Variants in ADGRL3 observed in about 807,000 individuals in gnomAD.
ADGRL3 encodes adhesion G protein-coupled receptor L3, also known as calcium-independent alpha-latrotoxin receptor 3.
In ADGRL3, 62 loss-of-function variants were observed where a neutral mutation model predicts 153.5. The ratio of observed to expected loss-of-function variants is 0.40; its 90% CI spans 0.33 to 0.50. ADGRL3 has a LOEUF of 0.50. Among genes scored for constraint, ADGRL3 ranks in the 20% least tolerant of loss-of-function variants. The pLI is 0.47. For synonymous variants in ADGRL3, 710 were observed against 672.5 expected, an observed-to-expected ratio of 1.06 and a Z score of -0.86; for missense variants, 1,641 against 1,859.4, an observed-to-expected ratio of 0.88 and a Z score of 2.16.
intron 15 of ADGRL3, among the ~76,000 whole-genome samples, chr4:61,937,328 G>A (rs1401120441): frequency 6.6e-6 from 1 of 151,598 alleles, no homozygotes; most frequent in African/African-American, 2.4e-5. Context: ...CATGTTCTGT[G>A]TGATCCAGAC....
intron 5 of ADGRL3, among the ~76,000 whole-genome samples, chr4:61,593,745 T>C (rs1447651614): frequency 6.6e-6 from 1 of 152,144 alleles, no homozygotes; most frequent in Non-Finnish European, 1.5e-5. Flanking sequence ...TTCTTTATCC[T>C]TGACCTTTGG....
At chr4:61,770,292 A>T (rs1402057209) in intron 8 of ADGRL3, among the ~76,000 whole-genome samples, 1 of 152,148 alleles carries the variant, frequency 6.6e-6, no homozygotes, top group Non-Finnish European at 1.5e-5. Flanking sequence ...AAATTTTGGG[A>T]GATGGACACT....
intron 2 of ADGRL3, among the ~76,000 whole-genome samples, chr4:61,490,828 C>G (rs2098249940): frequency 6.6e-6 from 1 of 151,990 alleles, no homozygotes. Flanking sequence ...CTTTACAATT[C>G]CATAGTGTAT....
intron 4 of ADGRL3, among the ~76,000 whole-genome samples, chr4:61,559,018 A>G (rs1190522049): frequency 1.3e-5 from 2 of 152,102 alleles, no homozygotes; most frequent in African/African-American, 4.8e-5. Context: ...AATAGTAATT[A>G]TAATAAGGAT....
chr4:61,693,368 C>T (rs1497913), intron 6 of ADGRL3, among the ~76,000 whole-genome samples: 56,474 of 150,644 alleles, frequency 0.37, 11,238 homozygotes, highest in East Asian at 0.57. Context: ...ATTTTTTTTT[C>T]TTAATGTGAT....
chr4:61,986,117 G>T (rs991861987), intron 19 of ADGRL3, among the ~76,000 whole-genome samples: 2 of 151,494 alleles, frequency 1.3e-5, no homozygotes, highest in Non-Finnish European at 2.9e-5. Context: ...TCTAATTTTA[G>T]AATATTTTCA....
At chr4:61,577,328 T>C (rs1187196722) in intron 4 of ADGRL3, among the ~76,000 whole-genome samples, 1 of 151,996 alleles carries the variant, frequency 6.6e-6, no homozygotes, top group African/African-American at 2.4e-5. Context: ...ACTCCTTTCC[T>C]TCAAAATTAA....
intron 17 of ADGRL3, among the ~76,000 whole-genome samples, chr4:61,954,576 T>C (rs1399262168): frequency 6.6e-6 from 1 of 151,976 alleles, no homozygotes; most frequent in East Asian, 1.9e-4. Flanking sequence ...AAATCTCAAA[T>C]CTTGGCCCGC....
At chr4:62,043,452 G>T (rs1266535601) in intron 24 of ADGRL3, among the ~76,000 whole-genome samples, 1 of 151,938 alleles carries the variant, frequency 6.6e-6, no homozygotes, top group African/African-American at 2.4e-5. Context: ...TCAACCTAGG[G>T]AAAATGTGAT....
chr4:61,417,371 T>C (rs1290394055), intron 2 of ADGRL3, among the ~76,000 whole-genome samples: 1 of 151,888 alleles, frequency 6.6e-6, no homozygotes, highest in East Asian at 1.9e-4. Flanking sequence ...CTGTGGTCCT[T>C]GCTACTTGCA....
intron 5 of ADGRL3, among the ~76,000 whole-genome samples, chr4:61,648,046 A>T (rs546182371): frequency 1.2e-4 from 18 of 152,216 alleles, no homozygotes; most frequent in Non-Finnish European, 2.5e-4. Context: ...ATTTCCTTTT[A>T]TTTCTCATAA....
At position 61,952,462 on chromosome 4, in the gene ADGRL3, G is replaced by A. The variant is rs144836758; in HGVS notation, c.2805+4186G>A. Among the ~76,000 whole-genome samples the A allele has an allele frequency of 9.7e-4, 144 of 148,546 alleles. No individual in the cohort carries two copies. The East Asian group carries it at 0.024, about 25-fold the overall frequency. On this transcript the variant is annotated intron_variant, in intron 17 of 26. Coordinates refer to ENST00000683033, the MANE Select transcript of ADGRL3 (RefSeq NM_001387552.1). Reference sequence around the variant, plus strand: ...CCACTGCACTATAGTCTGGGCAACAGAGTGAGACCCTGTCTCAAAAAAAAA... The same window carrying A: ...CCACTGCACTATAGTCTGGGCAACAAAGTGAGACCCTGTCTCAAAAAAAAA...
chr4:61,232,166 G>A (rs1750921066), intron 1 of ADGRL3, among the ~76,000 whole-genome samples: 1 of 152,080 alleles, frequency 6.6e-6, no homozygotes, highest in South Asian at 2.1e-4. Flanking sequence ...TTGTTAAAGA[G>A]TAAATGATCA....
intron 1 of ADGRL3, among the ~76,000 whole-genome samples, 172 bp downstream of exon 1, chr4:61,201,937 G>A (rs1192397520): frequency 6.6e-6 from 1 of 152,154 alleles, no homozygotes; most frequent in Non-Finnish European, 1.5e-5. Flanking sequence ...TGCGGGGCGG[G>A]AAGGGAACCT....
At position 62,070,846 on chromosome 4, in the gene ADGRL3, AAAG is replaced by A. The variant is rs1313806487; in HGVS notation, c.4572_4574del (p.Lys1524_Asp1525delinsAsn). On this transcript the variant is annotated inframe_deletion, in exon 27 of 27. Transcript: ENST00000683033. ...TGATGGATTTATAGTTCCTCCAAAC[AAAG>A]ATGGGACCCCTCCCGAGGGAAGTTC... is the stretch of plus-strand genomic sequence containing the variant. 3 of 1,551,736 alleles carry A rather than the reference AAAG, an allele frequency of 1.9e-6. No individual in the cohort carries two copies. The highest frequency in any genetic ancestry group is 1.7e-6 in the Non-Finnish European group (2 of 1,146,982).
chr4:61,336,956 C>T (rs1331338824), intron 1 of ADGRL3, among the ~76,000 whole-genome samples: 2 of 150,070 alleles, frequency 1.3e-5, no homozygotes, highest in African/African-American at 2.5e-5. Flanking sequence ...TTCCATAAAG[C>T]GGTGTTTGGA....
At position 61,979,553 on chromosome 4, in the gene ADGRL3, G is replaced by A. The variant is rs367648564; in HGVS notation, c.2806-10G>A. ...AAGCGCAACTTATGGCTTTTTCATT[G>A]TGTTTCCAGCACAGTGATGCGGTCC... On this transcript the variant is annotated splice_polypyrimidine_tract_variant and intron_variant, in intron 17 of 26. Coordinates refer to ENST00000683033, the MANE Select transcript of ADGRL3 (RefSeq NM_001387552.1). 1 of 1,612,810 alleles carries A rather than the reference G, an allele frequency of 6.2e-7. No individual in the cohort carries two copies. Among genetic ancestry groups the A allele is most frequent in the South Asian group, 1.1e-5 (1 of 91,038 alleles).
At chr4:61,682,563 ATTTT>A (rs10685495) in intron 6 of ADGRL3, among the ~76,000 whole-genome samples, 1 of 136,220 alleles carries the variant, frequency 7.3e-6, no homozygotes, top group Non-Finnish European at 1.6e-5. Context: ...CTTTAAAAAA[ATTTT>A]TTTTTTTTTT....
At chr4:61,472,517 A>C (rs2152690091) in intron 2 of ADGRL3, among the ~76,000 whole-genome samples, 1 of 152,208 alleles carries the variant, frequency 6.6e-6, no homozygotes, top group East Asian at 1.9e-4. Flanking sequence ...CATACAAAAA[A>C]GAAGATGTCT....
Sources: gnomAD v4.1 joint callset for allele counts (sites outside exome capture counted in the v4.1 genomes callset) on GRCh38, gnomAD v4.1.1 for gene constraint, MANE v1.5 for transcripts, NCBI Gene and HGNC (gene_info 2026-07-23, HGNC 2026-07-21) for gene names.